The following RHOA variants were observed in gnomAD, a reference collection of about 807,000 sequenced individuals.
RHOA encodes the protein ras homolog family member A.
RHOA carries 3 observed loss-of-function variants against 17.5 expected under a neutral mutation model. The observed-to-expected ratio is 0.17, with a 90% confidence interval of 0.08 to 0.44. RHOA has a LOEUF of 0.44. RHOA is among the 20% of genes least tolerant of loss of function. RHOA has a pLI of 0.99. For synonymous variants in RHOA, 98 were observed against 88.4 expected (o/e 1.11, Z -0.61); for missense variants, 56 against 242.3 (o/e 0.23, Z 5.10).
intron 1 of RHOA, among the ~76,000 whole-genome samples, chr3:49,381,557 A>T (rs2048317489): frequency 6.6e-6 from 1 of 151,546 alleles, no homozygotes; most frequent in Non-Finnish European, 1.5e-5. Context: ...CCTGGGCAAC[A>T]CAGTGAGACT....
chr3:49,368,991 C>A (rs2048104141), intron 2 of RHOA, among the ~76,000 whole-genome samples: 1 of 129,998 alleles, frequency 7.7e-6, no homozygotes, highest in Admixed American at 8.3e-5. Flanking sequence ...GCAGGCGTGA[C>A]CCACCGCGCC....
chr3:49,404,382 C>A (rs946892467), intron 1 of RHOA, among the ~76,000 whole-genome samples: 4 of 145,452 alleles, frequency 2.8e-5, no homozygotes, highest in Non-Finnish European at 6.0e-5. Flanking sequence ...ATCACAAGGT[C>A]AGGAGTTCAA....
intron 1 of RHOA, among the ~76,000 whole-genome samples, chr3:49,380,861 C>CAA (rs199676528): frequency 6.6e-6 from 1 of 151,652 alleles, no homozygotes; most frequent in Non-Finnish European, 1.5e-5. Context: ...CAAAAAAACT[C>CAA]AGAGGGCTGA....
At chr3:49,375,921 C>T (rs1310204932) in intron 1 of RHOA, among the ~76,000 whole-genome samples, 1 of 151,944 alleles carries the variant, frequency 6.6e-6, no homozygotes, top group Non-Finnish European at 1.5e-5. Flanking sequence ...AATCTCAGTT[C>T]ACTGCAACCT....
intron 1 of RHOA, among the ~76,000 whole-genome samples, chr3:49,397,068 G>T (rs2048627941): frequency 6.6e-6 from 1 of 151,036 alleles, no homozygotes; most frequent in South Asian, 2.1e-4. Flanking sequence ...AGGGCAAAGT[G>T]GCAGTGAGTA....
intron 2 of RHOA, among the ~76,000 whole-genome samples, chr3:49,371,867 A>G (rs2048151879): frequency 6.6e-6 from 1 of 152,216 alleles, no homozygotes; most frequent in Non-Finnish European, 1.5e-5. Context: ...CAAGATGCCC[A>G]GGCAGAAATA....
At chr3:49,384,850 C>T (rs1343880356) in intron 1 of RHOA, among the ~76,000 whole-genome samples, 9 of 152,012 alleles carry the variant, frequency 5.9e-5, no homozygotes, top group Non-Finnish European at 1.3e-4. Flanking sequence ...CACTTGAGGT[C>T]AGGAGTTCGA....
chr3:49,404,611 C>CA lies in RHOA; in HGVS notation c.-3+7208dup, dbSNP rs71080508. 1.4e-3 allele frequency among the ~76,000 whole-genome samples: 47 copies of CA among 33,186 alleles called. 2 individuals carry two copies. Among genetic ancestry groups the CA allele is most frequent in the African/African-American group, 2.0e-3 (15 of 7,402 alleles). 21.8% of individuals were successfully genotyped at this position (33,186 alleles called of 152,430 possible). ...TAGACAACAGAGCAAGACTCCGTCT[C>CA]AAAAAAAAAAAAAAAAAAAAAAAAA... On this transcript the variant is annotated intron_variant, in intron 1 of 4. Transcript: ENST00000418115.
intron 3 of RHOA, among the ~76,000 whole-genome samples, chr3:49,367,555 T>C (rs930104514): frequency 6.6e-6 from 1 of 151,920 alleles, no homozygotes; most frequent in Admixed American, 6.6e-5. Flanking sequence ...TCTTTTTTTT[T>C]GGGAGATGGA....
At chr3:49,398,996 A>G (rs563344602) in intron 1 of RHOA, among the ~76,000 whole-genome samples, 1 of 137,916 alleles carries the variant, frequency 7.3e-6, no homozygotes, top group South Asian at 2.4e-4. Context: ...CAGAGGTTGC[A>G]GTTAGCTGAG....
chr3:49,367,943 T>C (rs1268264812), intron 3 of RHOA, among the ~76,000 whole-genome samples: 1 of 152,032 alleles, frequency 6.6e-6, no homozygotes, highest in Non-Finnish European at 1.5e-5. Context: ...AGAGTCTTGC[T>C]CTGTTGCTCA....
At chr3:49,368,225 T>A (rs1047781769) in intron 3 of RHOA, among the ~76,000 whole-genome samples, 1 of 152,162 alleles carries the variant, frequency 6.6e-6, no homozygotes, top group Admixed American at 6.6e-5. Flanking sequence ...GGTGGATACA[T>A]TTTAAATACA....
rs1366348851 is a variant in RHOA, at chr3:49,359,576, T to C, written c.*633A>G. The C allele has an allele frequency of 9.7e-6, 2 of 206,198 alleles. No individual in the cohort carries two copies. Among genetic ancestry groups the C allele is most frequent in the Non-Finnish European group, 2.0e-5 (2 of 100,822 alleles). 12.8% of individuals were successfully genotyped at this position (206,198 alleles called of 1,614,324 possible). On this transcript the variant is annotated 3_prime_UTR_variant, in exon 5 of 5. Coordinates refer to ENST00000418115, the MANE Select transcript of RHOA (RefSeq NM_001664.4). ...ACACTTTCTTTGAGGATGACAGTAT[T>C]AGGAAATCCAATTATACAAAAAATA...
intron 2 of RHOA, among the ~76,000 whole-genome samples, chr3:49,373,971 T>C (rs7621003): frequency 0.44 from 66,455 of 151,870 alleles, 15,840 homozygotes; most frequent in East Asian, 0.93. Flanking sequence ...AGAGGGCTTT[T>C]AGGACAGAAA....
chr3:49,370,225 C>T (rs1448301711), intron 2 of RHOA, among the ~76,000 whole-genome samples: 1 of 152,100 alleles, frequency 6.6e-6, no homozygotes, highest in African/African-American at 2.4e-5. Context: ...GCAGCCTAGG[C>T]AGTGAGACCT....
At chr3:49,373,030 G>A (rs754197372) in intron 2 of RHOA, among the ~76,000 whole-genome samples, 21 of 152,090 alleles carry the variant, frequency 1.4e-4, no homozygotes, top group Non-Finnish European at 2.4e-4. Context: ...CCCTAGGACA[G>A]AAAGAAATAA....
intron 1 of RHOA, among the ~76,000 whole-genome samples, chr3:49,398,880 C>CT (rs1363715128): frequency 8.4e-6 from 1 of 119,482 alleles, no homozygotes; most frequent in Non-Finnish European, 1.7e-5. Context: ...AAGAATTTTG[C>CT]TGTCTGAGTA....
At chr3:49,400,175 G>A (rs1397558490) in intron 1 of RHOA, among the ~76,000 whole-genome samples, 4 of 147,592 alleles carry the variant, frequency 2.7e-5, no homozygotes, top group Non-Finnish European at 5.9e-5. Context: ...CCGCGCCACT[G>A]CACTCCAGCC....
At chr3:49,371,746 G>A (rs764304129) in intron 2 of RHOA, among the ~76,000 whole-genome samples, 4 of 152,096 alleles carry the variant, frequency 2.6e-5, no homozygotes, top group South Asian at 2.1e-4. Flanking sequence ...CCTATCTTGC[G>A]AGGGTCAGTG....
Sources: allele counts gnomAD v4.1 joint callset (sites outside exome capture counted in the v4.1 genomes callset), GRCh38; gene constraint gnomAD v4.1.1; transcripts MANE v1.5; gene names NCBI Gene and HGNC (gene_info 2026-07-23, HGNC 2026-07-21).